The following COMMD10 variants were observed in gnomAD, a reference collection of about 807,000 sequenced individuals.
COMMD10 encodes the protein COMM domain containing 10.
Under a neutral mutation model 28.9 loss-of-function variants are expected in COMMD10, and 33 were observed. The observed-to-expected ratio is 1.14, with a 90% CI of 0.87 to 1.53. The LOEUF (loss-of-function observed/expected upper bound fraction) is 1.53. COMMD10 is among the 40% of genes most tolerant of loss of function. The probability of loss-of-function intolerance (pLI) is 0.00; values close to 1 mark genes in which losing one functional copy is unlikely to be tolerated. For synonymous variants in COMMD10, 110 were observed against 81.7 expected, an observed-to-expected ratio of 1.35 and a Z score of -1.87; for missense variants, 310 against 233.4, an observed-to-expected ratio of 1.33 and a Z score of -2.14.
At chr5:116,107,187 G>T (rs1750867788) in intron 4 of COMMD10, among the ~76,000 whole-genome samples, 1 of 152,070 alleles carries the variant, frequency 6.6e-6, no homozygotes, top group South Asian at 2.1e-4. Context: ...GTATCTTTGC[G>T]GTGTTCCCTC....
At chr5:116,280,798 C>A (rs1751048153) in intron 5 of COMMD10, among the ~76,000 whole-genome samples, 1 of 151,772 alleles carries the variant, frequency 6.6e-6, no homozygotes, top group Admixed American at 6.6e-5. Context: ...TGTTTACAAT[C>A]ATCTATAATT....
At chr5:116,095,811 G>T (rs1750450320) in intron 4 of COMMD10, among the ~76,000 whole-genome samples, 1 of 151,912 alleles carries the variant, frequency 6.6e-6, no homozygotes, top group South Asian at 2.1e-4. Context: ...ATAAAGTGCA[G>T]GTCAAAGTTC....
intron 5 of COMMD10, among the ~76,000 whole-genome samples, chr5:116,284,053 A>G (rs1303355372): frequency 6.6e-6 from 1 of 151,858 alleles, no homozygotes; most frequent in Non-Finnish European, 1.5e-5. Context: ...GTTTACACCC[A>G]GGAGTTAGTT....
intron 5 of COMMD10, among the ~76,000 whole-genome samples, chr5:116,251,816 G>A (rs1223416149): frequency 2.6e-5 from 4 of 152,050 alleles, no homozygotes; most frequent in African/African-American, 9.7e-5. Flanking sequence ...CCCAGTAATG[G>A]GATGGCTGGA....
intron 5 of COMMD10, among the ~76,000 whole-genome samples, chr5:116,245,873 A>G (rs920872205): frequency 3.9e-5 from 6 of 152,300 alleles, no homozygotes; most frequent in South Asian, 2.1e-4. Flanking sequence ...CCCACAGCCA[A>G]CATCATACTG....
At chr5:116,203,113 A>T (rs960444392) in intron 5 of COMMD10, among the ~76,000 whole-genome samples, 2 of 152,164 alleles carry the variant, frequency 1.3e-5, no homozygotes, top group African/African-American at 4.8e-5. Context: ...ATGGCTAGCC[A>T]GTTTTCCCAG....
intron 5 of COMMD10, among the ~76,000 whole-genome samples, chr5:116,164,276 G>A (rs1476728187): frequency 1.3e-5 from 2 of 152,060 alleles, no homozygotes; most frequent in Non-Finnish European, 2.9e-5. Flanking sequence ...AGCCGAGATT[G>A]GGCCACTGCA....
chr5:116,272,078 A>C (rs577407036), intron 5 of COMMD10, among the ~76,000 whole-genome samples: 64 of 152,008 alleles, frequency 4.2e-4, no homozygotes, highest in African/African-American at 1.4e-3. Context: ...ATATAAAAAT[A>C]AAAGATGCAA....
At chr5:116,249,127 A>G (rs758685315) in intron 5 of COMMD10, among the ~76,000 whole-genome samples, 1 of 151,994 alleles carries the variant, frequency 6.6e-6, no homozygotes, top group African/African-American at 2.4e-5. Context: ...CATATTTTTC[A>G]TCATAAATTC....
chr5:116,188,387 T>C (rs1748214982), intron 5 of COMMD10: 1 of 152,148 alleles, frequency 6.6e-6, no homozygotes, highest in Non-Finnish European at 1.5e-5. Flanking sequence ...GCCTCTGTTC[T>C]CCCAACAATT....
At chr5:116,225,349 T>A (rs1037856972) in intron 5 of COMMD10, among the ~76,000 whole-genome samples, 1 of 99,664 alleles carries the variant, frequency 1.0e-5, no homozygotes, top group South Asian at 4.0e-4. Flanking sequence ...TTTGTTTTTT[T>A]GGGGATTTTT....
intron 5 of COMMD10, among the ~76,000 whole-genome samples, chr5:116,163,848 G>C (rs1273968380): frequency 6.6e-6 from 1 of 152,038 alleles, no homozygotes; most frequent in East Asian, 1.9e-4. Context: ...GATGTTCAAG[G>C]GAAAAGCTAC....
chr5:116,124,910 A>G (rs1554087125), intron 4 of COMMD10, among the ~76,000 whole-genome samples: 1 of 151,844 alleles, frequency 6.6e-6, no homozygotes, highest in Admixed American at 6.6e-5. Context: ...TTTGCTTTCC[A>G]TTTGCTTGGT....
intron 5 of COMMD10, among the ~76,000 whole-genome samples, chr5:116,147,608 G>T (rs190763424): frequency 5.8e-4 from 88 of 151,942 alleles, no homozygotes; most frequent in South Asian, 1.2e-3. Flanking sequence ...GATTGTTGCG[G>T]CTGGTTAACC....
intron 4 of COMMD10, among the ~76,000 whole-genome samples, chr5:116,107,214 A>G (rs187187954): frequency 1.3e-5 from 2 of 152,052 alleles, no homozygotes; most frequent in East Asian, 3.9e-4. Flanking sequence ...CTGAATTTGA[A>G]TGTTGGCCTG....
At chr5:116,243,936 T>C (rs1436685748) in intron 5 of COMMD10, among the ~76,000 whole-genome samples, 1 of 152,130 alleles carries the variant, frequency 6.6e-6, no homozygotes, top group Non-Finnish European at 1.5e-5. Context: ...AAGATGCAAT[T>C]TGAAACTTTA....
At position 116,123,833 on chromosome 5, in the gene COMMD10, C is replaced by G. The variant is rs141404250; in HGVS notation, c.400-10235C>G. ...GTGTCCAGGAATTTATCCATTTCTTCTAGATTTTCTAGTTTATTTGCATAG... is the reference window on the plus strand; with the variant it reads ...GTGTCCAGGAATTTATCCATTTCTTGTAGATTTTCTAGTTTATTTGCATAG... On this transcript the variant is annotated intron_variant, in intron 4 of 6. Coordinates refer to ENST00000274458, the MANE Select transcript of COMMD10 (RefSeq NM_016144.4). 6.7e-3 allele frequency among the ~76,000 whole-genome samples: 1,019 copies of G among 152,190 alleles called. 16 individuals carry two copies. The highest frequency in any genetic ancestry group is 0.024 in the African/African-American group (976 of 41,528).
At chr5:116,129,146 AT>A (rs1031332088) in intron 4 of COMMD10, among the ~76,000 whole-genome samples, 16 of 151,562 alleles carry the variant, frequency 1.1e-4, no homozygotes, top group African/African-American at 3.9e-4. Flanking sequence ...GTAACTTTTG[AT>A]TTTGATATAA....
intron 5 of COMMD10, among the ~76,000 whole-genome samples, chr5:116,220,661 A>C (rs1344577249): frequency 6.6e-6 from 1 of 152,180 alleles, no homozygotes; most frequent in African/African-American, 2.4e-5. Flanking sequence ...CACATTTTCA[A>C]ATGTACTTAA....
Sources: gnomAD v4.1 joint callset for allele counts (sites outside exome capture counted in the v4.1 genomes callset) on GRCh38, gnomAD v4.1.1 for gene constraint, MANE v1.5 for transcripts, NCBI Gene and HGNC (gene_info 2026-07-23, HGNC 2026-07-21) for gene names.